SHROOM4: variants seen among roughly 807,000 people sequenced by gnomAD.
The protein encoded by SHROOM4 is shroom family member 4.
A neutral mutation model predicts 80.3 loss-of-function variants in SHROOM4; 17 were observed. That is an observed-to-expected ratio of 0.21 (90% CI 0.14 to 0.32). The LOEUF is 0.32. SHROOM4 is among the 10% of genes least tolerant of loss of function. The pLI is 1.00. For missense variants in SHROOM4, 993 were observed against 1,140.3 expected (o/e 0.87, Z 1.86); for synonymous variants, 400 against 437.5 (o/e 0.91, Z 1.07).
intron 2 of SHROOM4, among the ~76,000 whole-genome samples, chrX:50,666,111 G>A (rs1014797285): frequency 7.2e-5 from 8 of 111,788 alleles, no homozygotes; most frequent in African/African-American, 2.3e-4. Flanking sequence ...CACAGAGACT[G>A]AATTTGAGTT....
chrX:50,802,083 G>A lies in SHROOM4; in HGVS notation c.117+11819C>T, dbSNP rs782377271. On this transcript the variant is annotated intron_variant, in intron 1 of 8. Transcript: ENST00000376020. ...TGATTCCTATCACTTCAAGTTCTAA[G>A]TTATACAAAATGAACTTTAGCCAGT... Among the ~76,000 whole-genome samples the A allele has an allele frequency of 2.7e-5, 3 of 111,962 alleles. No homozygotes were observed. The Admixed American group carries it at 2.8e-4, about 11-fold the overall frequency.
chrX:50,753,893 A>G (rs1934977757), intron 1 of SHROOM4, among the ~76,000 whole-genome samples: 1 of 111,878 alleles, frequency 8.9e-6, no homozygotes, highest in Admixed American at 9.5e-5. Context: ...GCTCCCAAGA[A>G]AAGCTAGCTG....
chrX:50,734,620 G>T (rs1305279372), intron 1 of SHROOM4, among the ~76,000 whole-genome samples: 1 of 110,387 alleles, frequency 9.1e-6, no homozygotes, highest in Admixed American at 9.7e-5. Flanking sequence ...TCACCATATT[G>T]GCCAGGCTGG....
chrX:50,776,137 C>A, intron 1 of SHROOM4, among the ~76,000 whole-genome samples: 1 of 110,924 alleles, frequency 9.0e-6, no homozygotes. Flanking sequence ...ACTAAGAAAC[C>A]AGGCCCCCAA....
chrX:50,604,440 C>T (rs893234844), intron 6 of SHROOM4, among the ~76,000 whole-genome samples: 6 of 111,642 alleles, frequency 5.4e-5, no homozygotes, highest in African/African-American at 2.0e-4. Flanking sequence ...TGCTTCAAGC[C>T]GCTATGCTAT....
chrX:50,784,079 G>A (rs781788080), intron 1 of SHROOM4, among the ~76,000 whole-genome samples: 2 of 112,130 alleles, frequency 1.8e-5, no homozygotes, highest in South Asian at 7.4e-4. Flanking sequence ...TATGTAAAAG[G>A]TCAATTGATT....
intron 1 of SHROOM4, among the ~76,000 whole-genome samples, chrX:50,750,536 A>G (rs782198699): frequency 2.4e-4 from 27 of 112,353 alleles, no homozygotes; most frequent in Admixed American, 7.5e-4. Flanking sequence ...TGCTGGGATT[A>G]CAGGCGTGAG....
intron 5 of SHROOM4, among the ~76,000 whole-genome samples, chrX:50,612,184 A>G (rs1482021795): frequency 9.2e-6 from 1 of 108,512 alleles, no homozygotes; most frequent in African/African-American, 3.5e-5. Context: ...TGCTAATCTA[A>G]TTAAAAAAAA....
Position 50,592,883 on chromosome X carries a change from TA to T in SHROOM4, c.*3811del, listed in dbSNP as rs1223173980. 1 of 112,436 alleles carries T rather than the reference TA, an allele frequency of 8.9e-6. No individual in the cohort carries two copies. Among genetic ancestry groups the T allele is most frequent in the African/African-American group, 3.2e-5 (1 of 30,837 alleles). The allele number at this position is 112,436 out of a possible 1,213,427, so 9.3% of individuals were successfully genotyped here. On this transcript the variant is annotated 3_prime_UTR_variant, in exon 9 of 9. Coordinates refer to ENST00000376020, the MANE Select transcript of SHROOM4 (RefSeq NM_020717.5). ...CCTATTGTTGACTTTTTCTGCATTC[TA>T]AACATGGGGTTAGACTGGATGTGAT...
chrX:50,762,033 T>C (rs1372041962), intron 1 of SHROOM4, among the ~76,000 whole-genome samples: 1 of 112,161 alleles, frequency 8.9e-6, no homozygotes, highest in African/African-American at 3.2e-5. Flanking sequence ...GTAAGATATT[T>C]ACAAATTTGC....
chrX:50,673,763 C>T, intron 2 of SHROOM4, among the ~76,000 whole-genome samples: 1 of 109,833 alleles, frequency 9.1e-6, no homozygotes, highest in Non-Finnish European at 1.9e-5. Context: ...ATAAAGTAAG[C>T]AACCAAAGAA....
At chrX:50,745,567 G>A (rs1336463613) in intron 1 of SHROOM4, among the ~76,000 whole-genome samples, 1 of 111,775 alleles carries the variant, frequency 8.9e-6, no homozygotes, top group African/African-American at 3.3e-5. Flanking sequence ...TTAAGAGTGG[G>A]AACTGAGCAC....
At chrX:50,773,144 T>C (rs1252068965) in intron 1 of SHROOM4, among the ~76,000 whole-genome samples, 1 of 112,438 alleles carries the variant, frequency 8.9e-6, no homozygotes, top group Admixed American at 9.4e-5. Flanking sequence ...TTATGAGTAC[T>C]ACTATTACTA....
rs56399537 is a variant in SHROOM4, at chrX:50,742,641, C to CGG, written c.118-46706_118-46705dup. On this transcript the variant is annotated intron_variant, in intron 1 of 8. Coordinates refer to ENST00000376020, the MANE Select transcript of SHROOM4 (RefSeq NM_020717.5). Reference sequence around the variant, plus strand: ...AATTGGAGTGGGGTTATGAATTTTTCGGGGGGGGGGGCAATCACAGAAGTG... The same window carrying CGG: ...AATTGGAGTGGGGTTATGAATTTTTCGGGGGGGGGGGGGCAATCACAGAAGTG... Among the ~76,000 whole-genome samples the CGG allele has an allele frequency of 4.6e-3, 339 of 73,665 alleles. 4 individuals carry two copies. The highest frequency in any genetic ancestry group is 0.019 in the African/African-American group (314 of 16,887). The allele number at this position is 73,665 out of a possible 115,157, so 64.0% of individuals were successfully genotyped here.
intron 5 of SHROOM4, among the ~76,000 whole-genome samples, chrX:50,625,857 G>A (rs1180253931): frequency 8.9e-6 from 1 of 111,919 alleles, no homozygotes; most frequent in Non-Finnish European, 1.9e-5. Context: ...ACCTAGGCTG[G>A]TCAAGGCCTG....
chrX:50,602,337 C>A (rs782377241), intron 7 of SHROOM4, among the ~76,000 whole-genome samples: 20 of 111,462 alleles, frequency 1.8e-4, no homozygotes, highest in East Asian at 2.8e-4. Context: ...GGTGATCCAC[C>A]CACCTTGGCC....
intron 2 of SHROOM4, among the ~76,000 whole-genome samples, chrX:50,682,447 T>C (rs782472028): frequency 4.5e-5 from 5 of 111,652 alleles, no homozygotes; most frequent in Non-Finnish European, 9.4e-5. Flanking sequence ...GTATCGAGCA[T>C]GTAACCCTGC....
intron 5 of SHROOM4, among the ~76,000 whole-genome samples, chrX:50,623,470 G>T (rs1430892496): frequency 9.0e-6 from 1 of 111,619 alleles, no homozygotes; most frequent in Non-Finnish European, 1.9e-5. Flanking sequence ...TTACAGGTGT[G>T]AGCCACCGCG....
At chrX:50,602,842 C>T (rs781945711) in intron 6 of SHROOM4, 29 bp from the exon 7 acceptor site, 2 of 1,181,070 alleles carry the variant, frequency 1.7e-6, no homozygotes, top group South Asian at 1.8e-5. Context: ...ACCATTTGAG[C>T]ACCTCTGTTG....
Sources: allele counts gnomAD v4.1 joint callset (sites outside exome capture counted in the v4.1 genomes callset), GRCh38; gene constraint gnomAD v4.1.1; transcripts MANE v1.5; gene names NCBI Gene and HGNC (gene_info 2026-07-23, HGNC 2026-07-21).